CMSS1: variants seen among roughly 807,000 people sequenced by gnomAD.
CMSS1 encodes the protein protein CMSS1.
A neutral mutation model predicts 43.5 loss-of-function variants in CMSS1; 33 were observed. That is an observed-to-expected ratio of 0.76 (90% CI 0.57 to 1.01). The LOEUF (loss-of-function observed/expected upper bound fraction) is 1.01, where lower values mean the gene tolerates loss of function less well. Among genes scored for constraint, CMSS1 ranks in the 50% least tolerant of loss-of-function variants. The pLI is 0.00. For synonymous variants in CMSS1, 115 were observed against 117.2 expected, an observed-to-expected ratio of 0.98 and a Z score of 0.12; for missense variants, 313 against 326.4, an observed-to-expected ratio of 0.96 and a Z score of 0.32.
chr3:99,984,467 T>G (rs1490327851), intron 1 of CMSS1, among the ~76,000 whole-genome samples: 2 of 152,208 alleles, frequency 1.3e-5, no homozygotes, highest in East Asian at 1.9e-4. Context: ...CTCTAAAGAT[T>G]TGTGAAATTC....
chr3:99,898,651 A>G (rs1706337229), intron 1 of CMSS1: 1 of 183,752 alleles, frequency 5.4e-6, no homozygotes, highest in Non-Finnish European at 1.2e-5. Flanking sequence ...CTGTAATCCC[A>G]GCTACTTGGA....
chr3:99,836,216 G>T (rs975297477), intron 1 of CMSS1, among the ~76,000 whole-genome samples: 2 of 152,184 alleles, frequency 1.3e-5, no homozygotes, highest in Non-Finnish European at 2.9e-5. Context: ...GGCTTGGGGA[G>T]TAGTAGTACA....
intron 1 of CMSS1, among the ~76,000 whole-genome samples, chr3:99,891,460 T>A (rs1349476631): frequency 6.6e-6 from 1 of 152,234 alleles, no homozygotes; most frequent in Non-Finnish European, 1.5e-5. Context: ...TCACTTTTAT[T>A]CAGTCTTTGG....
At chr3:100,177,787 G>A (rs964832182) in intron 9 of CMSS1, among the ~76,000 whole-genome samples, 5 of 152,076 alleles carry the variant, frequency 3.3e-5, no homozygotes, top group Admixed American at 1.3e-4. Context: ...TTCGAGACCC[G>A]CCTGGACAAC....
chr3:99,968,993 A>T (rs1426759942), intron 1 of CMSS1, among the ~76,000 whole-genome samples: 1 of 152,136 alleles, frequency 6.6e-6, no homozygotes, highest in East Asian at 1.9e-4. Flanking sequence ...TTGATAAAAG[A>T]TTTAAATGGG....
intron 1 of CMSS1, among the ~76,000 whole-genome samples, chr3:99,888,335 C>A (rs1705974593): frequency 6.6e-6 from 1 of 151,896 alleles, no homozygotes; most frequent in Admixed American, 6.6e-5. Context: ...CACTGCACTT[C>A]AGCCTGGGCA....
At chr3:99,867,160 T>G (rs1301947463) in intron 1 of CMSS1, among the ~76,000 whole-genome samples, 2 of 152,178 alleles carry the variant, frequency 1.3e-5, no homozygotes, top group Admixed American at 1.3e-4. Flanking sequence ...CAACAGCATA[T>G]CTGCTAGAGG....
chr3:100,047,136 G>T (rs1321955559), intron 1 of CMSS1, among the ~76,000 whole-genome samples: 1 of 152,122 alleles, frequency 6.6e-6, no homozygotes, highest in South Asian at 2.1e-4. Context: ...GGTAAAATGG[G>T]TATAATACTT....
chr3:100,180,396 C>T lies in CMSS1; in HGVS notation c.*2008C>T, dbSNP rs971460316. 2.0e-5 allele frequency: 3 copies of T among 152,242 alleles called. No individual in the cohort carries two copies. Among genetic ancestry groups the T allele is most frequent in the African/African-American group, 7.2e-5 (3 of 41,460 alleles). The allele number at this position is 152,242 out of a possible 1,614,324, so 9.4% of individuals were successfully genotyped here. On this transcript the variant is annotated 3_prime_UTR_variant, in exon 10 of 10. Transcript: ENST00000421999. ...TGCTTTTAAATATAAGTTATCTCTG[C>T]TTATGCAAATGAGCATAGGCTTTTA... is the stretch of plus-strand genomic sequence containing the variant.
intron 1 of CMSS1, chr3:99,925,915 C>T (rs1304752627): frequency 1.0e-6 from 1 of 983,876 alleles, no homozygotes; most frequent in South Asian, 4.7e-5. Flanking sequence ...GGTAAGCTGC[C>T]ACCAGAAAAA....
intron 1 of CMSS1, chr3:100,011,842 A>G (rs1370183215): frequency 6.6e-6 from 1 of 152,240 alleles, no homozygotes; most frequent in Admixed American, 6.5e-5. Context: ...GGTTTAATAA[A>G]TAGATACTCA....
intron 1 of CMSS1, among the ~76,000 whole-genome samples, chr3:100,059,600 A>G (rs2065525110): frequency 6.6e-6 from 1 of 152,230 alleles, no homozygotes; most frequent in Non-Finnish European, 1.5e-5. Flanking sequence ...GTTAGGAGCC[A>G]GGAAGGTTTG....
chr3:99,870,938 C>G lies in CMSS1; in HGVS notation c.64+52895C>G, dbSNP rs74925057. 5.7e-3 allele frequency among the ~76,000 whole-genome samples: 875 copies of G among 152,254 alleles called. 11 individuals are homozygous for G. Among genetic ancestry groups the G allele is most frequent in the African/African-American group, 0.016 (676 of 41,532 alleles). ...CCTTCATTAACCACTGCACTGTGTTCTTCCATATTTTGCTTGAAGGCCATT... is the reference window on the plus strand; with the variant it reads ...CCTTCATTAACCACTGCACTGTGTTGTTCCATATTTTGCTTGAAGGCCATT... On this transcript the variant is annotated intron_variant, in intron 1 of 9. Coordinates refer to ENST00000421999, the MANE Select transcript of CMSS1 (RefSeq NM_032359.4).
chr3:99,983,464 G>GTGTGTATA (rs1491438114), intron 1 of CMSS1, among the ~76,000 whole-genome samples: 2 of 12,690 alleles, frequency 1.6e-4, no homozygotes, highest in African/African-American at 4.2e-4. Context: ...ATATATGTGT[G>GTGTGTATA]TATATATATA....
intron 1 of CMSS1, among the ~76,000 whole-genome samples, chr3:100,121,978 G>A (rs1049838615): frequency 2.0e-5 from 3 of 152,170 alleles, no homozygotes; most frequent in Admixed American, 6.5e-5. Context: ...GTGCTCCTTG[G>A]GTTGGGGCCT....
chr3:100,176,370 GA>G lies in CMSS1; in HGVS notation c.713del (p.Asn238ThrfsTer7). The G allele has an allele frequency of 6.2e-7, 1 of 1,613,738 alleles. No individual in the cohort carries two copies. Among genetic ancestry groups the G allele is most frequent in the Non-Finnish European group, 8.5e-7 (1 of 1,179,740 alleles). ...SPLKFLVFDW[N>X]WRDQKLRRMM... ...CCTTAAAATTTCTGGTTTTTGACTG[GA>G]ACTGGAGAGATCAGAAGTTGAGGAG... On this transcript the variant is annotated frameshift_variant, in exon 9 of 10. Transcript: ENST00000421999. LOFTEE classifies it high-confidence loss of function.
intron 8 of CMSS1, among the ~76,000 whole-genome samples, chr3:100,174,545 A>G (rs879826698): frequency 9.2e-5 from 14 of 152,286 alleles, no homozygotes; most frequent in Admixed American, 2.0e-4. Flanking sequence ...ATATTAATGA[A>G]AATAATTTTT....
intron 1 of CMSS1, among the ~76,000 whole-genome samples, chr3:99,860,230 G>A (rs569466521): frequency 6.6e-6 from 1 of 152,284 alleles, no homozygotes; most frequent in South Asian, 2.1e-4. Flanking sequence ...CTTTAGCTTG[G>A]TGTCAGAGGA....
intron 1 of CMSS1, among the ~76,000 whole-genome samples, chr3:99,954,087 T>C (rs913201698): frequency 6.6e-6 from 1 of 152,264 alleles, no homozygotes; most frequent in African/African-American, 2.4e-5. Context: ...GTAGCAGCCT[T>C]AGGCTAAGCA....
Sources: allele counts gnomAD v4.1 joint callset (sites outside exome capture counted in the v4.1 genomes callset), GRCh38; gene constraint gnomAD v4.1.1; transcripts MANE v1.5; gene names NCBI Gene and HGNC (gene_info 2026-07-23, HGNC 2026-07-21).